CHEK1: variants seen among roughly 807,000 people sequenced by gnomAD.
CHEK1 encodes checkpoint kinase 1, also known as serine/threonine-protein kinase Chk1.
In CHEK1, 32 loss-of-function variants were observed where a neutral mutation model predicts 60.2. That is an observed-to-expected ratio of 0.53 (90% CI 0.40 to 0.71). The LOEUF (loss-of-function observed/expected upper bound fraction) is 0.71, where lower values mean the gene tolerates loss of function less well. Among genes scored for constraint, CHEK1 ranks in the 30% least tolerant of loss-of-function variants. The pLI is 0.00. For missense variants in CHEK1, 399 were observed against 564.6 expected (o/e 0.71, Z 2.97); for synonymous variants, 179 against 187.2 (o/e 0.96, Z 0.36).
Position 125,656,640 on chromosome 11 carries a change from C to T in CHEK1, c.*1320C>T, listed in dbSNP as rs1032956466. 2 of 215,108 alleles carry T rather than the reference C, an allele frequency of 9.3e-6. No homozygotes were observed. Among genetic ancestry groups the T allele is most frequent in the African/African-American group, 4.5e-5 (2 of 44,366 alleles). 13.3% of individuals were successfully genotyped at this position (215,108 alleles called of 1,614,324 possible). On this transcript the variant is annotated 3_prime_UTR_variant, in exon 13 of 13. Coordinates refer to ENST00000438015, the MANE Select transcript of CHEK1 (RefSeq NM_001114122.3). Reference sequence around the variant, plus strand: ...TAATATTTTTCAAAAACAGCTCTCACTGACTTGAACCTCTTCTGTAAGCTC... The same window carrying T: ...TAATATTTTTCAAAAACAGCTCTCATTGACTTGAACCTCTTCTGTAAGCTC...
In CHEK1 at chr11:125,653,614, G is replaced by A; in HGVS notation, c.1234-132G>A. 1.7e-6 allele frequency: 1 copy of A among 604,660 alleles called. No homozygotes were observed. The highest frequency in any genetic ancestry group is 2.9e-6 in the Non-Finnish European group (1 of 345,188). The allele number at this position is 604,660 out of a possible 1,614,324, so 37.5% of individuals were successfully genotyped here. On this transcript the variant is annotated intron_variant, in intron 11 of 12. Coordinates refer to ENST00000438015, the MANE Select transcript of CHEK1 (RefSeq NM_001114122.3). The surrounding 1 kb of genome is among the most constrained non-coding windows in gnomAD (Gnocchi z 4.3). ...TAATTTCCTTTCCTTTGGATCAGTA[G>A]TGGGATTGCTGGAACATATAGGTAG...
intron 8 of CHEK1, 83 bp downstream of exon 8, chr11:125,637,627 C>A: frequency 2.3e-6 from 2 of 857,894 alleles, no homozygotes; most frequent in Non-Finnish European, 3.7e-6. Context: ...GTCAACAACA[C>A]ATGATAGCTA....
chr11:125,648,744 G>T (rs1398491837), intron 11 of CHEK1, among the ~76,000 whole-genome samples: 2 of 150,968 alleles, frequency 1.3e-5, no homozygotes, highest in Non-Finnish European at 2.9e-5. Context: ...TCTTGTTCTT[G>T]ATCTTAGGGT....
At chr11:125,636,359 A>C (rs1057273187) in intron 7 of CHEK1, among the ~76,000 whole-genome samples, 2 of 151,556 alleles carry the variant, frequency 1.3e-5, no homozygotes, top group Non-Finnish European at 2.9e-5. Context: ...TACTCTTTTA[A>C]TCACTTTGTT....
At chr11:125,674,830 CTT>C (rs893619137) in intron 13 of CHEK1, among the ~76,000 whole-genome samples, 2 of 152,180 alleles carry the variant, frequency 1.3e-5, no homozygotes, top group African/African-American at 4.8e-5. Flanking sequence ...AATTCAAACT[CTT>C]TTTAACTGAC....
chr11:125,648,891 A>G (rs1941605948), intron 11 of CHEK1, among the ~76,000 whole-genome samples: 1 of 151,936 alleles, frequency 6.6e-6, no homozygotes, highest in African/African-American at 2.4e-5. Context: ...CCCTTTATTA[A>G]TATAGCTTGA....
intron 5 of CHEK1, among the ~76,000 whole-genome samples, chr11:125,629,846 G>A (rs557726930): frequency 2.0e-5 from 3 of 151,752 alleles, no homozygotes; most frequent in East Asian, 1.9e-4. Flanking sequence ...TCAGCTTCCC[G>A]AGTAGCTAGG....
intron 8 of CHEK1, among the ~76,000 whole-genome samples, chr11:125,640,605 T>A (rs1480575018): frequency 6.6e-6 from 1 of 152,004 alleles, no homozygotes; most frequent in East Asian, 2.0e-4. Flanking sequence ...GATCTCGCTC[T>A]GTCGCCCAGA....
Position 125,643,962 on chromosome 11 carries a change from G to T in CHEK1, c.923+62G>T, listed in dbSNP as rs193009453. ...GTATTCCCCATGAAGAATAATACAT[G>T]TATGTGTTTTTTCATAATAATCGAC... On this transcript the variant is annotated intron_variant, in intron 9 of 12. Coordinates refer to ENST00000438015, the MANE Select transcript of CHEK1 (RefSeq NM_001114122.3). 9.0e-5 allele frequency: 138 copies of T among 1,525,956 alleles called. No homozygotes were observed. In the African/African-American group the frequency reaches 1.8e-3, roughly 19 times the overall value. The allele number at this position is 1,525,956 out of a possible 1,614,324, so 94.5% of individuals were successfully genotyped here. A position where few individuals can be genotyped will look rare whatever the true frequency, so the allele number is the denominator to read the frequency against.
rs59629339 is a variant in CHEK1, at chr11:125,634,015, T to TTTA, written c.613+664_613+665insTTA. Among the ~76,000 whole-genome samples, 13 of 150,738 alleles carry TTTA rather than the reference T, an allele frequency of 8.6e-5. 1 individual carries two copies. The highest frequency in any genetic ancestry group is 1.3e-4 in the Non-Finnish European group (9 of 67,566). Reference sequence around the variant, plus strand: ...CTATTGTGGTTTTTTTTTTTTTTTTTAGACCAGAGTCTTGCTCTGTCACCC... The same window carrying TTTA: ...CTATTGTGGTTTTTTTTTTTTTTTTTTTAAGACCAGAGTCTTGCTCTGTCACCC... On this transcript the variant is annotated intron_variant, in intron 6 of 12. Coordinates refer to ENST00000438015, the MANE Select transcript of CHEK1 (RefSeq NM_001114122.3).
intron 8 of CHEK1, 104 bp downstream of exon 8, chr11:125,637,648 C>A (rs937858141): frequency 1.6e-6 from 1 of 641,246 alleles, no homozygotes; most frequent in Non-Finnish European, 2.6e-6. Context: ...TGATCTCTGT[C>A]CTCATGGAGA....
intron 13 of CHEK1, chr11:125,671,460 T>C (rs1370207509): frequency 6.6e-6 from 1 of 152,238 alleles, no homozygotes; most frequent in East Asian, 1.9e-4. Context: ...TGTTCCATTT[T>C]CTTCCAGCTT....
rs773178839 is a variant in CHEK1 at position 125,635,501 on chromosome 11, A to G, written c.686A>G (p.Asn229Ser). ...TGGAAAGAAAAAAAAACATACCTCA[A>G]CCCTTGGAAAAAAATCGATTCTGCT... ...SDWKEKKTYL[N>S]PWKKIDSAPL... Residue 229 changes from asparagine (N) to serine (S), a missense_variant, in exon 7 of 13, where the codon AAC becomes AGC. This residue lies in a region of CHEK1 where 370 missense variants were observed against 494.8 expected (regional missense o/e 0.75). Transcript: ENST00000438015. 19 of 1,607,440 alleles carry G rather than the reference A, an allele frequency of 1.2e-5. No individual in the cohort carries two copies. The highest frequency in any genetic ancestry group is 1.5e-5 in the Non-Finnish European group (18 of 1,177,210).
intron 13 of CHEK1, among the ~76,000 whole-genome samples, chr11:125,663,803 A>G (rs1302268378): frequency 6.6e-6 from 1 of 152,146 alleles, no homozygotes; most frequent in African/African-American, 2.4e-5. Flanking sequence ...TTAGTTTTAC[A>G]TTTAAGTCTT....
rs1368225688 is a variant in CHEK1, at chr11:125,626,758, T to C, written c.-11T>C. On this transcript the variant is annotated 5_prime_UTR_variant, in exon 2 of 13. Transcript: ENST00000438015. ...TTCCTGCCTTTTACAGCCGAGGTGCTCGGTGGAGTCATGGCAGTGCCCTTT... is the reference window on the plus strand; with the variant it reads ...TTCCTGCCTTTTACAGCCGAGGTGCCCGGTGGAGTCATGGCAGTGCCCTTT... 5.0e-6 allele frequency: 8 copies of C among 1,614,046 alleles called. No individual in the cohort carries two copies. The highest frequency in any genetic ancestry group is 6.8e-6 in the Non-Finnish European group (8 of 1,180,034).
At position 125,644,131 on chromosome 11, in the gene CHEK1, C is replaced by T. The variant is rs775909758; in HGVS notation, c.964C>T (p.Arg322Cys). ...GTACTCCAGTTCTCAGCCAGAACCC[C>T]GCACAGGTCTTTCCTTATGGGATAC... ...VKYSSSQPEP[R>C]TGLSLWDTSP... Residue 322 changes from arginine to cysteine, a missense_variant, in exon 10 of 13, where the codon CGC becomes TGC. Arg to Cys is a radical substitution (Grantham distance 180). This residue lies in a region of CHEK1 where 370 missense variants were observed against 494.8 expected (regional missense o/e 0.75). Transcript: ENST00000438015. 7 of 1,613,936 alleles carry T rather than the reference C, an allele frequency of 4.3e-6. No individual in the cohort carries two copies. The highest frequency in any genetic ancestry group is 2.2e-5 in the East Asian group (1 of 44,878).
chr11:125,655,426 C>A lies in CHEK1; in HGVS notation c.*106C>A. ...TCCTGCAAACTGCAAATAGTAGTTC[C>A]TGAAGTGTTCACTTCCCTGTTTATC... On this transcript the variant is annotated 3_prime_UTR_variant, in exon 13 of 13. Coordinates refer to ENST00000438015, the MANE Select transcript of CHEK1 (RefSeq NM_001114122.3). 1 of 678,152 alleles carries A rather than the reference C, an allele frequency of 1.5e-6. No individual in the cohort carries two copies. The highest frequency in any genetic ancestry group is 2.4e-6 in the Non-Finnish European group (1 of 410,928). The allele number at this position is 678,152 out of a possible 1,614,324, so 42.0% of individuals were successfully genotyped here. A position where few individuals can be genotyped will look rare whatever the true frequency, so the allele number is the denominator to read the frequency against.
chr11:125,643,641 T>C (rs1941386473), intron 8 of CHEK1, 151 bp from the exon 9 acceptor site: 1 of 587,680 alleles, frequency 1.7e-6, no homozygotes, highest in Non-Finnish European at 2.9e-6. Context: ...TAAAATCATA[T>C]AGGAAGACTT....
downstream of CHEK1, among the ~76,000 whole-genome samples, chr11:125,680,516 CTG>C (rs1432654930): frequency 6.6e-6 from 1 of 152,168 alleles, no homozygotes; most frequent in Non-Finnish European, 1.5e-5. Flanking sequence ...AGAAACCAGA[CTG>C]TGCCAAGCCA....
Sources: allele counts gnomAD v4.1 joint callset (sites outside exome capture counted in the v4.1 genomes callset), GRCh38; gene constraint gnomAD v4.1.1; regional missense constraint gnomAD v4.1.1; non-coding constraint Gnocchi (gnomAD v3.1); transcripts MANE v1.5; gene names NCBI Gene and HGNC (gene_info 2026-07-23, HGNC 2026-07-21).